The following JCAD variants were observed in gnomAD, a reference collection of about 807,000 sequenced individuals.
The protein encoded by JCAD is junctional cadherin 5-associated protein.
A neutral mutation model predicts 98.0 loss-of-function variants in JCAD; 40 were observed. The observed-to-expected ratio is 0.41, with a 90% CI of 0.32 to 0.53. The LOEUF (loss-of-function observed/expected upper bound fraction) is 0.53. Ranked by LOEUF, JCAD falls within the 20% of genes least tolerant of loss-of-function variation. JCAD has a pLI of 0.31. For synonymous variants in JCAD, 691 were observed against 682.3 expected, an observed-to-expected ratio of 1.01 and a Z score of -0.20; for missense variants, 1,705 against 1,738.1, an observed-to-expected ratio of 0.98 and a Z score of 0.34.
At chr10:30,103,498 G>T (rs11007901) in intron 1 of JCAD, among the ~76,000 whole-genome samples, 8,142 of 152,152 alleles carry the variant, frequency 0.054, 648 homozygotes, top group African/African-American at 0.18. Context: ...TTCAAACGTT[G>T]TATGTCAAAT....
At chr10:30,106,445 C>T (rs76716599) in intron 1 of JCAD, among the ~76,000 whole-genome samples, 1,639 of 151,636 alleles carry the variant, frequency 0.011, 35 homozygotes, top group African/African-American at 0.037. Context: ...AAAAGTACAA[C>T]GCAAAAAGGC....
At chr10:30,104,533 A>G (rs1195152928) in intron 1 of JCAD, among the ~76,000 whole-genome samples, 4 of 152,210 alleles carry the variant, frequency 2.6e-5, no homozygotes, top group Non-Finnish European at 5.9e-5. Context: ...GTGCTCGTGG[A>G]CATAAACATA....
chr10:30,094,571 A>T (rs1463457283), intron 1 of JCAD, among the ~76,000 whole-genome samples: 1 of 152,210 alleles, frequency 6.6e-6, no homozygotes, highest in Admixed American at 6.5e-5. Flanking sequence ...CTGCTGCCAC[A>T]GTGCATGCAA....
At chr10:30,109,702 C>T (rs1030190484) in intron 1 of JCAD, among the ~76,000 whole-genome samples, 2 of 152,176 alleles carry the variant, frequency 1.3e-5, no homozygotes, top group African/African-American at 4.8e-5. Flanking sequence ...GCCATGGCAG[C>T]ATCGGCGGGA....
At chr10:30,038,688 T>TAAAAAAAAAAAAAA (rs11402293) in intron 2 of JCAD, among the ~76,000 whole-genome samples, 1 of 121,946 alleles carries the variant, frequency 8.2e-6, no homozygotes, top group African/African-American at 3.1e-5. Flanking sequence ...TGTCTCAAAA[T>TAAAAAAAAAAAAAA]AAAAAAAAAA....
chr10:30,107,576 C>G (rs1361632622), intron 1 of JCAD, among the ~76,000 whole-genome samples: 3 of 152,164 alleles, frequency 2.0e-5, no homozygotes, highest in African/African-American at 7.2e-5. Flanking sequence ...ACGATAAGTA[C>G]AATCAGTTGA....
chr10:30,102,895 G>A (rs1417330418), intron 1 of JCAD, among the ~76,000 whole-genome samples: 1 of 152,096 alleles, frequency 6.6e-6, no homozygotes, highest in African/African-American at 2.4e-5. Flanking sequence ...GCATGTGCAG[G>A]GGAACTCCCC....
At chr10:30,107,567 C>G (rs182220812) in intron 1 of JCAD, among the ~76,000 whole-genome samples, 1 of 152,254 alleles carries the variant, frequency 6.6e-6, no homozygotes, top group African/African-American at 2.4e-5. Context: ...CAAGAGGTAA[C>G]GATAAGTACA....
At chr10:30,049,139 A>C (rs775040401) in intron 1 of JCAD, among the ~76,000 whole-genome samples, 3 of 152,210 alleles carry the variant, frequency 2.0e-5, no homozygotes, top group African/African-American at 7.2e-5. Flanking sequence ...CTTTGATGAT[A>C]AGGCGTAAGA....
At chr10:30,081,007 G>A (rs990090212) in intron 1 of JCAD, among the ~76,000 whole-genome samples, 2 of 152,146 alleles carry the variant, frequency 1.3e-5, no homozygotes, top group African/African-American at 4.8e-5. Flanking sequence ...TTTTAGACTC[G>A]CACCAGGTGT....
rs1426756962 is a variant in JCAD, at chr10:30,059,114, A to AC, written c.-60+367dup. Among the ~76,000 whole-genome samples, 1 of 151,072 alleles carries AC rather than the reference A, an allele frequency of 6.6e-6. No individual in the cohort carries two copies. Among genetic ancestry groups the AC allele is most frequent in the East Asian group, 2.0e-4 (1 of 5,060 alleles). ...GGCGACTTCGAGAGGGGAGTGAGTG[A>AC]CCCCGGCCCCCCAGGCCCTCCGCGC... On this transcript the variant is annotated intron_variant, in intron 1 of 3. Transcript: ENST00000375377. This position sits in a 1 kb window ranked among gnomAD's most constrained non-coding sequence, Gnocchi z 5.0.
chr10:30,105,622 C>A (rs1467775567), intron 1 of JCAD, among the ~76,000 whole-genome samples: 2 of 152,158 alleles, frequency 1.3e-5, no homozygotes, highest in South Asian at 2.1e-4. Context: ...CAAACCCAAC[C>A]CTTTCTGCCT....
At position 30,102,295 on chromosome 10, in the gene JCAD, A is replaced by G. The variant is rs148856406; in HGVS notation, n.128+13072T>C. Reference sequence around the variant, plus strand: ...GCAATTCTCCTGCCTCAGCCTCCCAATTAGCTGGGATCACAGTGGGTGCTT... The same window carrying G: ...GCAATTCTCCTGCCTCAGCCTCCCAGTTAGCTGGGATCACAGTGGGTGCTT... On this transcript the variant is annotated intron_variant and non_coding_transcript_variant, in intron 1 of 2. Coordinates refer to the JCAD transcript ENST00000465712. 1.3e-4 allele frequency among the ~76,000 whole-genome samples: 20 copies of G among 152,038 alleles called. No homozygotes were observed. In the East Asian group the frequency reaches 3.1e-3, roughly 24 times the overall value.
At position 30,115,421 on chromosome 10, in the gene JCAD, GC is replaced by G. The variant is rs1202253606; in HGVS notation, n.73del. On this transcript the variant is annotated non_coding_transcript_exon_variant, in exon 1 of 3. Transcript: ENST00000465712. ...GTCTAAAGAATTGAATTTTTCAAAA[GC>G]CCCTCGGATGCTCTGCTGAGAATTT... The G allele has an allele frequency of 6.6e-5, 10 of 152,298 alleles. No individual in the cohort carries two copies. The South Asian group carries it at 2.1e-3, about 32-fold the overall frequency. The allele number at this position is 152,298 out of a possible 1,614,324, so 9.4% of individuals were successfully genotyped here. A position where few individuals can be genotyped will look rare whatever the true frequency, so the allele number is the denominator to read the frequency against.
At chr10:30,052,763 G>A (rs1035237329) in intron 1 of JCAD, among the ~76,000 whole-genome samples, 5 of 152,286 alleles carry the variant, frequency 3.3e-5, no homozygotes, top group African/African-American at 9.6e-5. Flanking sequence ...CCTCCCTTGC[G>A]ATGCTATGGT....
chr10:30,075,587 TA>T (rs1349315301), intron 1 of JCAD, among the ~76,000 whole-genome samples: 1 of 152,316 alleles, frequency 6.6e-6, no homozygotes, highest in East Asian at 1.9e-4. Context: ...TACCCTTTCT[TA>T]ACCCACCCTG....
At chr10:30,058,225 G>C (rs1837619281) in intron 1 of JCAD, among the ~76,000 whole-genome samples, 1 of 152,160 alleles carries the variant, frequency 6.6e-6, no homozygotes, top group Non-Finnish European at 1.5e-5. Flanking sequence ...ACAAGTTGTG[G>C]GAGAAACATC....
chr10:30,063,662 G>A (rs1453318818), upstream of JCAD, among the ~76,000 whole-genome samples: 2 of 152,096 alleles, frequency 1.3e-5, no homozygotes, highest in African/African-American at 4.8e-5. Flanking sequence ...ATATTTATGG[G>A]GTACAGTGTG....
In JCAD at chr10:30,028,184, G is replaced by A; in HGVS notation, c.1964C>T (p.Pro655Leu). Residue 655 changes from proline to leucine, a missense_variant, in exon 3 of 4, where the codon CCA becomes CTA. By Grantham distance (98) the Pro-to-Leu change is moderately conservative. Coordinates refer to ENST00000375377, the MANE Select transcript of JCAD (RefSeq NM_020848.4). ...GTCATTTGTTTGTCTGTCTTCTTCT[G>A]GTTCCCCTAGATCTTGTTTTTGGAA... ...TEFQKQDLGE[P>L]EEDRQTNDLS... The A allele has an allele frequency of 6.2e-7, 1 of 1,614,188 alleles. No homozygotes were observed. The highest frequency in any genetic ancestry group is 8.5e-7 in the Non-Finnish European group (1 of 1,180,050).
Sources: allele counts gnomAD v4.1 joint callset (sites outside exome capture counted in the v4.1 genomes callset), GRCh38; gene constraint gnomAD v4.1.1; non-coding constraint Gnocchi (gnomAD v3.1); transcripts MANE v1.5; gene names NCBI Gene and HGNC (gene_info 2026-07-23, HGNC 2026-07-21).